Variants in WDR64 observed in about 807,000 individuals in gnomAD.
WDR64 encodes WD repeat-containing protein 64.
Under a neutral mutation model 139.3 loss-of-function variants are expected in WDR64, and 112 were observed. That is an observed-to-expected ratio of 0.80 (90% CI 0.69 to 0.94). The LOEUF is 0.94. Among genes scored for constraint, WDR64 ranks in the 40% least tolerant of loss-of-function variants. WDR64 has a pLI of 0.00. For missense variants in WDR64, 1,206 were observed against 1,293.1 expected (o/e 0.93, Z 1.03); for synonymous variants, 444 against 437.7 (o/e 1.01, Z -0.18).
chr1:241,687,321 A>AT, intron 7 of WDR64, 140 bp from the exon 8 acceptor site: 172 of 799,168 alleles, frequency 2.2e-4, no homozygotes, highest in Non-Finnish European at 2.9e-4. Flanking sequence ...AAAAAAAAAA[A>AT]GGTGTTATAA....
At chr1:241,785,844 C>G (rs1439913443) in intron 23 of WDR64, among the ~76,000 whole-genome samples, 1 of 152,176 alleles carries the variant, frequency 6.6e-6, no homozygotes, top group Non-Finnish European at 1.5e-5. Flanking sequence ...GGTGATCAGT[C>G]TGTAGACAGA....
chr1:241,675,062 T>C (rs114793187), intron 4 of WDR64, among the ~76,000 whole-genome samples: 2,559 of 14,288 alleles, frequency 0.18, 440 homozygotes, highest in Middle Eastern at 0.4. Context: ...TTTTCTCCCT[T>C]CCTCCTTCCT....
At chr1:241,729,943 G>A (rs1342436905) in intron 10 of WDR64, among the ~76,000 whole-genome samples, 1 of 152,044 alleles carries the variant, frequency 6.6e-6, no homozygotes, top group African/African-American at 2.4e-5. Flanking sequence ...CTCATTCTGT[G>A]GCTTGGAACA....
chr1:241,654,516 C>T (rs1315971920), intron 1 of WDR64, among the ~76,000 whole-genome samples: 2 of 152,210 alleles, frequency 1.3e-5, no homozygotes, highest in African/African-American at 2.4e-5. Flanking sequence ...AAGAAACTTC[C>T]TTATCCTGCG....
chr1:241,710,415 G>A (rs1319274968), intron 8 of WDR64, among the ~76,000 whole-genome samples: 3 of 151,814 alleles, frequency 2.0e-5, no homozygotes, highest in Non-Finnish European at 2.9e-5. Context: ...TTTTAACCAT[G>A]GCACAATACC....
At chr1:241,760,496 A>G (rs1670386676) in intron 15 of WDR64, among the ~76,000 whole-genome samples, 1 of 151,226 alleles carries the variant, frequency 6.6e-6, no homozygotes, top group Non-Finnish European at 1.5e-5. Flanking sequence ...AAGCTGGAAA[A>G]AATATGTGGA....
At chr1:241,750,236 C>T (rs1669928976) in intron 14 of WDR64, among the ~76,000 whole-genome samples, 1 of 152,156 alleles carries the variant, frequency 6.6e-6, no homozygotes, top group African/African-American at 2.4e-5. Flanking sequence ...GACTCTATTA[C>T]CACCTGGGAA....
intron 6 of WDR64, among the ~76,000 whole-genome samples, chr1:241,682,422 GA>G (rs1376121263): frequency 1.1e-4 from 16 of 152,168 alleles, no homozygotes; most frequent in African/African-American, 3.9e-4. Flanking sequence ...CGTTGTTGAA[GA>G]TAAGTTGGCT....
intron 23 of WDR64, among the ~76,000 whole-genome samples, chr1:241,786,644 T>C (rs1467418157): frequency 6.6e-6 from 1 of 152,142 alleles, no homozygotes; most frequent in African/African-American, 2.4e-5. Flanking sequence ...AATTTGATAA[T>C]AGTAAAAGCA....
At chr1:241,760,054 C>A (rs138674243) in intron 15 of WDR64, among the ~76,000 whole-genome samples, 2 of 152,296 alleles carry the variant, frequency 1.3e-5, no homozygotes, top group East Asian at 3.9e-4. Flanking sequence ...CAGCGTCCTT[C>A]CTTTTAAAGG....
In WDR64 at chr1:241,771,684, CAGTG is replaced by C. The variant is rs1282755996; in HGVS notation, c.2280_2283del (p.Ser760ArgfsTer9). ...AGGGAAGCAAGCAAAGCATACATGA[CAGTG>C]AGGTTAAAGGTCAGTATGAAATCAC... On this transcript the variant is annotated frameshift_variant, in exon 19 of 28. Coordinates refer to ENST00000437684, the MANE Select transcript of WDR64 (RefSeq NM_001367482.1). LOFTEE classifies it high-confidence loss of function. 4.7e-6 allele frequency: 7 copies of C among 1,499,990 alleles called. No homozygotes were observed. The highest frequency in any genetic ancestry group is 1.7e-4 in the Middle Eastern group (1 of 5,808). The allele number at this position is 1,499,990 out of a possible 1,614,324, so 92.9% of individuals were successfully genotyped here. A position where few individuals can be genotyped will look rare whatever the true frequency, so the allele number is the denominator to read the frequency against.
In WDR64 at chr1:241,766,286, A is replaced by T. The variant is rs562827287; in HGVS notation, c.2016A>T (p.Ile672=). The change falls in exon 16 of 28, where the codon ATA becomes ATT. Residue 672 remains isoleucine, a synonymous_variant. Coordinates refer to ENST00000437684, the MANE Select transcript of WDR64 (RefSeq NM_001367482.1). ...TACAAGTAGAAGGATATAATTTGAT[A>T]GCAGCTGGAACCTTAAATGGTGTGA... is the stretch of plus-strand genomic sequence containing the variant. ...DLLQVEGYNL[I]AAGTLNGVII... is the part of the protein sequence containing the mutation. 26 of 1,614,150 alleles carry T rather than the reference A, an allele frequency of 1.6e-5. No individual in the cohort carries two copies. The African/African-American group carries it at 3.1e-4, about 19-fold the overall frequency.
chr1:241,689,510 T>C (rs1283592366), intron 8 of WDR64, among the ~76,000 whole-genome samples: 1 of 152,138 alleles, frequency 6.6e-6, no homozygotes, highest in Non-Finnish European at 1.5e-5. Flanking sequence ...CATTACATAA[T>C]GATAAAGGGG....
chr1:241,775,232 T>G, intron 21 of WDR64, 22 bp downstream of exon 21: 1 of 1,533,356 alleles, frequency 6.5e-7, no homozygotes, highest in South Asian at 1.2e-5. Flanking sequence ...CTCTTAGACA[T>G]TCAGTGACAG....
chr1:241,777,404 G>A (rs1270557593), intron 21 of WDR64, among the ~76,000 whole-genome samples: 1 of 141,278 alleles, frequency 7.1e-6, no homozygotes, highest in Admixed American at 7.9e-5. Context: ...ATTTTGATAA[G>A]TTGTAATTTC....
At chr1:241,795,980 T>C (rs751964706) in intron 26 of WDR64, among the ~76,000 whole-genome samples, 1 of 152,116 alleles carries the variant, frequency 6.6e-6, no homozygotes, top group Non-Finnish European at 1.5e-5. Context: ...GAATGCAGTG[T>C]CTCACACCTG....
chr1:241,668,411 C>T (rs550519269), intron 2 of WDR64, among the ~76,000 whole-genome samples: 13 of 151,882 alleles, frequency 8.6e-5, no homozygotes, highest in Admixed American at 5.9e-4. Context: ...GGTGACAGAC[C>T]ACCAATTCTA....
intron 7 of WDR64, among the ~76,000 whole-genome samples, chr1:241,685,109 GTTACT>G (rs1052962743): frequency 6.6e-6 from 1 of 151,094 alleles, no homozygotes; most frequent in African/African-American, 2.4e-5. Context: ...AAGGGGAATG[GTTACT>G]TTAGATATTA....
In WDR64 at chr1:241,680,738, A is replaced by G. The variant is rs189908917; in HGVS notation, c.624+1143A>G. On this transcript the variant is annotated intron_variant, in intron 6 of 27. Coordinates refer to ENST00000437684, the MANE Select transcript of WDR64 (RefSeq NM_001367482.1). The stretch of plus-strand genomic sequence containing the variant: ...CCTTCACAGTGGCTAAGCACTGCTG[A>G]AAAAAACTAAACAGTGCTATTTGGC... 4.7e-4 allele frequency among the ~76,000 whole-genome samples: 72 copies of G among 152,090 alleles called. No homozygotes were observed. In the East Asian group the frequency reaches 0.01, roughly 21 times the overall value.
Sources: allele counts gnomAD v4.1 joint callset (sites outside exome capture counted in the v4.1 genomes callset), GRCh38; gene constraint gnomAD v4.1.1; transcripts MANE v1.5; gene names NCBI Gene and HGNC (gene_info 2026-07-23, HGNC 2026-07-21).